AFAP1: variants seen among roughly 807,000 people sequenced by gnomAD.
AFAP1 encodes actin filament-associated protein 1.
In AFAP1, 75 loss-of-function variants were observed where a neutral mutation model predicts 93.9. The observed-to-expected ratio is 0.80, with a 90% CI of 0.66 to 0.97. The LOEUF (loss-of-function observed/expected upper bound fraction) is 0.97. Among genes scored for constraint, AFAP1 ranks in the 50% least tolerant of loss-of-function variants. AFAP1 has a pLI of 0.00. For missense variants in AFAP1, 1,201 were observed against 1,050.8 expected (o/e 1.14, Z -1.98); for synonymous variants, 517 against 430.7 (o/e 1.20, Z -2.48).
chr4:7,839,468 T>C (rs557587668), intron 5 of AFAP1, among the ~76,000 whole-genome samples: 3 of 152,174 alleles, frequency 2.0e-5, no homozygotes, highest in Admixed American at 2.0e-4. Context: ...TACTATTAGA[T>C]TTGTTGCAAC....
chr4:7,889,910 T>C (rs34221000), intron 1 of AFAP1, among the ~76,000 whole-genome samples: 17,186 of 148,956 alleles, frequency 0.12, 1,154 homozygotes, highest in Non-Finnish European at 0.16. Flanking sequence ...ATACTATATT[T>C]AGAAGAATCC....
At chr4:7,827,552 G>T (rs28527222) in intron 6 of AFAP1, among the ~76,000 whole-genome samples, 143 of 75,442 alleles carry the variant, frequency 1.9e-3, no homozygotes, top group African/African-American at 6.9e-3. Context: ...GCATGAACAA[G>T]AGTGAAACTC....
rs1334730815 is a variant in AFAP1, at chr4:7,781,358, C to T, written c.1782+18G>A. 4 of 1,550,176 alleles carry T rather than the reference C, an allele frequency of 2.6e-6. No individual in the cohort carries two copies. Among genetic ancestry groups the T allele is most frequent in the Admixed American group, 3.9e-5 (2 of 50,916 alleles). ...ACTTGAAGGTGGTTCTAGAATCTTA[C>T]AGAAGAAGATGCCGTACCTGCGAGT... On this transcript the variant is annotated intron_variant, in intron 13 of 17. Transcript: ENST00000420658.
At chr4:7,821,972 G>GT (rs1309976668) in intron 6 of AFAP1, among the ~76,000 whole-genome samples, 1 of 152,246 alleles carries the variant, frequency 6.6e-6, no homozygotes, top group Non-Finnish European at 1.5e-5. Context: ...AGGTGTGGAA[G>GT]CATGAGCAAA....
chr4:7,921,982 G>A (rs1277909251), intron 1 of AFAP1, among the ~76,000 whole-genome samples: 1 of 152,200 alleles, frequency 6.6e-6, no homozygotes, highest in Non-Finnish European at 1.5e-5. Context: ...AATTATCTGG[G>A]CATGGTGGTG....
intron 1 of AFAP1, among the ~76,000 whole-genome samples, chr4:7,882,786 G>A (rs2149198298): frequency 6.6e-6 from 1 of 152,198 alleles, no homozygotes; most frequent in Middle Eastern, 3.4e-3. Context: ...TTGAACCTGG[G>A]AGGCGGAGGC....
In AFAP1 at chr4:7,900,078, T is replaced by C. The variant is rs550958106; in HGVS notation, c.-2-27998A>G. On this transcript the variant is annotated intron_variant, in intron 1 of 17. Coordinates refer to ENST00000420658, the MANE Select transcript of AFAP1 (RefSeq NM_001134647.2). Reference sequence around the variant, plus strand: ...GCAAGGAGAACATCCAACATGTATTTGGCTAGAAATACAGTTGTCTTTAAC... The same window carrying C: ...GCAAGGAGAACATCCAACATGTATTCGGCTAGAAATACAGTTGTCTTTAAC... 3.3e-5 allele frequency among the ~76,000 whole-genome samples: 5 copies of C among 152,330 alleles called. No homozygotes were observed. In the South Asian group the frequency reaches 1.0e-3, roughly 32 times the overall value.
At position 7,774,831 on chromosome 4, in the gene AFAP1, T is replaced by A; in HGVS notation, c.1970A>T (p.Glu657Val). Residue 657 changes from glutamate (E) to valine (V), a missense_variant, in exon 15 of 18, where the codon GAG becomes GTG. Glu to Val is a moderately radical substitution (Grantham distance 121, BLOSUM62 -2). Coordinates refer to ENST00000420658, the MANE Select transcript of AFAP1 (RefSeq NM_001134647.2). ...DAKRLQTKEE[E>V]LLKRKEALRN... is the part of the protein sequence containing the mutation. Reference sequence around the variant, plus strand: ...CAGGGCCTCTTTCCTCTTCAGCAGCTCCTCCTCTTTGGTCTGTAGCCGCTT... The same window carrying A: ...CAGGGCCTCTTTCCTCTTCAGCAGCACCTCCTCTTTGGTCTGTAGCCGCTT... 1 of 1,614,196 alleles carries A rather than the reference T, an allele frequency of 6.2e-7. No individual in the cohort carries two copies. Among genetic ancestry groups the A allele is most frequent in the Non-Finnish European group, 8.5e-7 (1 of 1,180,042 alleles).
At chr4:7,864,167 A>AACTT (rs1577313455) in intron 3 of AFAP1, among the ~76,000 whole-genome samples, 127 of 125,718 alleles carry the variant, frequency 1.0e-3, no homozygotes, top group Non-Finnish European at 1.2e-3. Context: ...ATCACAACCC[A>AACTT]CAGGTCCTTT....
chr4:7,906,861 G>A (rs1056720387), intron 1 of AFAP1, among the ~76,000 whole-genome samples: 1 of 152,172 alleles, frequency 6.6e-6, no homozygotes, highest in Non-Finnish European at 1.5e-5. Flanking sequence ...TCTCTACTAA[G>A]AATGCTGGCG....
At chr4:7,877,190 ACAG>A (rs143956605) in intron 1 of AFAP1, among the ~76,000 whole-genome samples, 6,483 of 152,280 alleles carry the variant, frequency 0.043, 205 homozygotes, top group Non-Finnish European at 0.067. Flanking sequence ...CTAACACCTG[ACAG>A]CAGCCTAGCA....
intron 1 of AFAP1, among the ~76,000 whole-genome samples, chr4:7,884,211 G>C (rs184577467): frequency 6.6e-6 from 1 of 152,124 alleles, no homozygotes; most frequent in Non-Finnish European, 1.5e-5. Context: ...TCCCAAAAGC[G>C]GAGCAAATGT....
At chr4:7,879,143 G>A (rs959703398) in intron 1 of AFAP1, among the ~76,000 whole-genome samples, 3 of 152,184 alleles carry the variant, frequency 2.0e-5, no homozygotes, top group African/African-American at 7.2e-5. Context: ...TCAGGGAACT[G>A]GAAAGACTGA....
intron 1 of AFAP1, among the ~76,000 whole-genome samples, chr4:7,927,351 A>ATGTTGGAGCCAGTGC (rs1720821293): frequency 6.6e-6 from 1 of 152,128 alleles, no homozygotes; most frequent in African/African-American, 2.4e-5. Flanking sequence ...TGGCTGTGTG[A>ATGTTGGAGCCAGTGC]TGTTGGACAA....
intron 6 of AFAP1, among the ~76,000 whole-genome samples, chr4:7,825,893 A>G (rs1443236306): frequency 6.6e-6 from 1 of 151,850 alleles, no homozygotes; most frequent in Non-Finnish European, 1.5e-5. Context: ...TCCAGTTACC[A>G]CACAGAAGAG....
rs537287131 is a variant in AFAP1, at chr4:7,793,596, C to T, written c.1412+85G>A. 210 of 1,333,612 alleles carry T rather than the reference C, an allele frequency of 1.6e-4. 3 individuals carry two copies. Among genetic ancestry groups the T allele is most frequent in the South Asian group, 8.7e-4 (38 of 43,636 alleles). The allele number at this position is 1,333,612 out of a possible 1,614,324, so 82.6% of individuals were successfully genotyped here. A position where few individuals can be genotyped will look rare whatever the true frequency, so the allele number is the denominator to read the frequency against. On this transcript the variant is annotated intron_variant, in intron 11 of 17. Coordinates refer to ENST00000420658, the MANE Select transcript of AFAP1 (RefSeq NM_001134647.2). Reference sequence around the variant, plus strand: ...TTTAGTTTTTCTTCTGGGTCTATATCCTCACACAAAAACTAAGTTAAGCTA... The same window carrying T: ...TTTAGTTTTTCTTCTGGGTCTATATTCTCACACAAAAACTAAGTTAAGCTA...
rs187911020 is a variant in AFAP1, at chr4:7,861,915, G to C, written c.226-6341C>G. On this transcript the variant is annotated intron_variant, in intron 3 of 17. Transcript: ENST00000420658. ...TACAACTGGTAAAAGAGCCAACGTT[G>C]TCACATAATCTCAAAGAGCCTCGTA... The C allele has an allele frequency of 4.6e-5, 7 of 152,382 alleles. No individual in the cohort carries two copies. In the East Asian group the frequency reaches 1.2e-3, roughly 25 times the overall value. 9.4% of individuals were successfully genotyped at this position (152,382 alleles called of 1,614,324 possible). A position where few individuals can be genotyped will look rare whatever the true frequency, so the allele number is the denominator to read the frequency against.
At chr4:7,778,105 G>C (rs1716337037) in intron 14 of AFAP1, 1 of 153,176 alleles carries the variant, frequency 6.5e-6, no homozygotes, top group African/African-American at 2.4e-5. Flanking sequence ...ACCCACTCTG[G>C]CTCTGTGATT....
chr4:7,898,808 A>AGTGTGTGTGTGTGTGTGT lies in AFAP1; in HGVS notation c.-2-26746_-2-26729dup, dbSNP rs56404898. Among the ~76,000 whole-genome samples the AGTGTGTGTGTGTGTGTGT allele has an allele frequency of 6.5e-3, 894 of 136,982 alleles. 10 individuals are homozygous for AGTGTGTGTGTGTGTGTGT. Among genetic ancestry groups the AGTGTGTGTGTGTGTGTGT allele is most frequent in the African/African-American group, 0.01 (372 of 36,776 alleles). 89.9% of individuals were successfully genotyped at this position (136,982 alleles called of 152,430 possible). The stretch of plus-strand genomic sequence containing the variant: ...TTGTCTTTCTGTGCTGGGCAGTAGA[A>AGTGTGTGTGTGTGTGTGT]GTGTGTGTGTGTGTGTGTGTGTGTG... On this transcript the variant is annotated intron_variant, in intron 1 of 17. Transcript: ENST00000420658.
Sources: gnomAD v4.1 joint callset for allele counts (sites outside exome capture counted in the v4.1 genomes callset) on GRCh38, gnomAD v4.1.1 for gene constraint, MANE v1.5 for transcripts, NCBI Gene and HGNC (gene_info 2026-07-23, HGNC 2026-07-21) for gene names.